DLG2: variants seen among roughly 807,000 people sequenced by gnomAD.
DLG2 encodes discs large MAGUK scaffold protein 2.
Under a neutral mutation model 132.5 loss-of-function variants are expected in DLG2, and 45 were observed. The ratio of observed to expected loss-of-function variants is 0.34; its 90% CI spans 0.27 to 0.44. The LOEUF (loss-of-function observed/expected upper bound fraction) is 0.44, where lower values mean the gene tolerates loss of function less well. Among genes scored for constraint, DLG2 ranks in the 20% least tolerant of loss-of-function variants. The pLI is 1.00. For synonymous variants in DLG2, 424 were observed against 419.6 expected (o/e 1.01, Z -0.13); for missense variants, 1,045 against 1,196.9 (o/e 0.87, Z 1.87).
chr11:84,911,160 G>T (rs2092021830), intron 6 of DLG2, among the ~76,000 whole-genome samples: 1 of 152,014 alleles, frequency 6.6e-6, no homozygotes, highest in Admixed American at 6.6e-5. Flanking sequence ...ACCCAATAAG[G>T]TGCAATGTTA....
chr11:83,991,542 C>T lies in DLG2; in HGVS notation c.920-10900G>A, dbSNP rs528330129. ...TTACTTTTTTCTTTTTTCTTTTTTT[C>T]TCTCTCTCTCTCTAGAGTATTCAGT... On this transcript the variant is annotated intron_variant, in intron 11 of 27. Transcript: ENST00000376104. Among the ~76,000 whole-genome samples the T allele has an allele frequency of 1.3e-3, 190 of 150,758 alleles. 1 individual carries two copies. The highest frequency in any genetic ancestry group is 7.3e-3 in the South Asian group (35 of 4,790).
chr11:84,272,612 A>G (rs2097739589), intron 7 of DLG2, among the ~76,000 whole-genome samples: 2 of 152,240 alleles, frequency 1.3e-5, no homozygotes, highest in Non-Finnish European at 2.9e-5. Context: ...TTCACTTTAC[A>G]TAGCTATACA....
At chr11:83,692,123 G>C (rs1028072173) in intron 18 of DLG2, 1 of 152,172 alleles carries the variant, frequency 6.6e-6, no homozygotes, top group Non-Finnish European at 1.5e-5. Flanking sequence ...TGACACCTAA[G>C]TGCCTGTCAT....
chr11:84,161,150 T>C (rs911428445), intron 9 of DLG2, among the ~76,000 whole-genome samples: 4 of 152,090 alleles, frequency 2.6e-5, no homozygotes. Context: ...AAGTGTTGGC[T>C]TAACCAGCGT....
intron 6 of DLG2, among the ~76,000 whole-genome samples, chr11:84,615,332 A>G (rs1039479749): frequency 6.6e-6 from 1 of 152,100 alleles, no homozygotes; most frequent in African/African-American, 2.4e-5. Context: ...AAATACAGAC[A>G]TGGACGCAAA....
intron 7 of DLG2, among the ~76,000 whole-genome samples, chr11:84,264,804 T>C (rs949418729): frequency 3.9e-5 from 6 of 152,176 alleles, no homozygotes; most frequent in African/African-American, 1.4e-4. Flanking sequence ...ATAAGAACAT[T>C]TGTATCTTAT....
chr11:83,861,529 A>C (rs778838774), intron 16 of DLG2, among the ~76,000 whole-genome samples: 2 of 152,214 alleles, frequency 1.3e-5, no homozygotes, highest in Non-Finnish European at 2.9e-5. Context: ...TGTATACACA[A>C]TGGAGCCACA....
At chr11:83,839,394 A>G (rs2057039303) in intron 16 of DLG2, among the ~76,000 whole-genome samples, 1 of 152,206 alleles carries the variant, frequency 6.6e-6, no homozygotes, top group Admixed American at 6.5e-5. Context: ...TCTAATTTAA[A>G]TTTCTTATCC....
At chr11:84,556,078 A>C (rs980874927) in intron 6 of DLG2, among the ~76,000 whole-genome samples, 3 of 152,214 alleles carry the variant, frequency 2.0e-5, no homozygotes, top group Non-Finnish European at 4.4e-5. Context: ...CATGTCTTTT[A>C]TTCTTTCAAC....
intron 4 of DLG2, among the ~76,000 whole-genome samples, chr11:85,272,050 T>C (rs866723867): frequency 1.3e-5 from 2 of 152,194 alleles, no homozygotes; most frequent in Non-Finnish European, 2.9e-5. Context: ...TCATCTTGAA[T>C]TGTAGTTCCC....
intron 26 of DLG2, among the ~76,000 whole-genome samples, chr11:83,463,616 C>A (rs2090464445): frequency 6.6e-6 from 1 of 152,144 alleles, no homozygotes. Context: ...GGGTGAAACC[C>A]TGTCTCCACA....
At chr11:85,105,211 C>A (rs1296215710) in intron 6 of DLG2, among the ~76,000 whole-genome samples, 1 of 151,802 alleles carries the variant, frequency 6.6e-6, no homozygotes, top group East Asian at 1.9e-4. Flanking sequence ...CTGGGAATGC[C>A]CTTTCATCTT....
intron 18 of DLG2, among the ~76,000 whole-genome samples, chr11:83,741,974 A>G (rs1000159757): frequency 3.9e-5 from 6 of 152,104 alleles, no homozygotes; most frequent in African/African-American, 1.4e-4. Flanking sequence ...GAAAACTCAC[A>G]CTGTATTTTG....
chr11:83,903,795 A>C (rs946032934), intron 15 of DLG2, among the ~76,000 whole-genome samples: 2 of 152,206 alleles, frequency 1.3e-5, no homozygotes, highest in African/African-American at 4.8e-5. Context: ...GAATAGCTAC[A>C]TAAATTATTG....
intron 5 of DLG2, among the ~76,000 whole-genome samples, chr11:85,153,868 A>G (rs1303514335): frequency 1.3e-5 from 2 of 152,184 alleles, no homozygotes; most frequent in Admixed American, 6.5e-5. Context: ...AAAGATGAGG[A>G]AATGGAAGCT....
chr11:85,268,796 G>A lies in DLG2; in HGVS notation c.186+16424C>T, dbSNP rs181916176. Among the ~76,000 whole-genome samples the A allele has an allele frequency of 1.4e-4, 21 of 152,302 alleles. 1 individual carries two copies. Among genetic ancestry groups the A allele is most frequent in the African/African-American group, 4.1e-4 (17 of 41,560 alleles). On this transcript the variant is annotated intron_variant, in intron 4 of 27. Coordinates refer to ENST00000376104, the MANE Select transcript of DLG2 (RefSeq NM_001142699.3). ...TGCCTCTCAAAAAGCTCTCTGTGAT[G>A]CCTACAACAGATAAATACTTGGTAA...
At position 83,930,317 on chromosome 11, in the gene DLG2, G is replaced by T. The variant is rs190541287; in HGVS notation, c.1496+11C>A. ...GTTCGAGAAGATGAAGTGAGGAAGC[G>T]CATGCAGTACCTGGTCATCTCAGAG... is the stretch of plus-strand genomic sequence containing the variant. On this transcript the variant is annotated intron_variant, in intron 15 of 27. Transcript: ENST00000376104. 3 of 1,612,776 alleles carry T rather than the reference G, an allele frequency of 1.9e-6. No individual in the cohort carries two copies. Among genetic ancestry groups the T allele is most frequent in the Middle Eastern group, 1.7e-4 (1 of 5,760 alleles).
At chr11:83,787,733 C>A (rs2040414841) in intron 17 of DLG2, among the ~76,000 whole-genome samples, 1 of 152,064 alleles carries the variant, frequency 6.6e-6, no homozygotes, top group South Asian at 2.1e-4. Context: ...ATTGCTAACT[C>A]CCATTTTGGG....
chr11:85,344,455 T>C (rs1231367176), intron 3 of DLG2, among the ~76,000 whole-genome samples: 2 of 152,144 alleles, frequency 1.3e-5, no homozygotes, highest in East Asian at 3.9e-4. Context: ...TACGTGAAAT[T>C]CATTTCAATA....
Sources: allele counts gnomAD v4.1 joint callset (sites outside exome capture counted in the v4.1 genomes callset), GRCh38; gene constraint gnomAD v4.1.1; transcripts MANE v1.5; gene names NCBI Gene and HGNC (gene_info 2026-07-23, HGNC 2026-07-21).